Variants in CNTNAP2 observed in about 807,000 individuals in gnomAD.
The protein encoded by CNTNAP2 is contactin associated protein 2, also known as contactin-associated protein-like 2.
In CNTNAP2, 98 loss-of-function variants were observed where a neutral mutation model predicts 155.2. That is an observed-to-expected ratio of 0.63 (90% CI 0.54 to 0.75). The LOEUF (loss-of-function observed/expected upper bound fraction) is 0.75. Among genes scored for constraint, CNTNAP2 ranks in the 30% least tolerant of loss-of-function variants. The probability of loss-of-function intolerance (pLI) is 0.00; values close to 1 mark genes in which losing one functional copy is unlikely to be tolerated. For missense variants in CNTNAP2, 1,727 were observed against 1,688.1 expected, an observed-to-expected ratio of 1.02 and a Z score of -0.40; for synonymous variants, 651 against 631.2, an observed-to-expected ratio of 1.03 and a Z score of -0.47.
chr7:147,351,543 A>G (rs957918066), intron 9 of CNTNAP2, among the ~76,000 whole-genome samples: 93 of 151,964 alleles, frequency 6.1e-4, no homozygotes, highest in African/African-American at 2.2e-3. Flanking sequence ...AATATATATA[A>G]AACAGTAGTA....
At chr7:147,919,226 C>T (rs974799982) in intron 14 of CNTNAP2, among the ~76,000 whole-genome samples, 4 of 151,966 alleles carry the variant, frequency 2.6e-5, no homozygotes, top group South Asian at 2.1e-4. Context: ...GATCTTAATA[C>T]AGCCAGACCC....
chr7:146,925,993 C>T (rs1796600218), intron 3 of CNTNAP2, among the ~76,000 whole-genome samples: 1 of 152,096 alleles, frequency 6.6e-6, no homozygotes, highest in Non-Finnish European at 1.5e-5. Context: ...CTTGTCCAAA[C>T]TGGAAGACCA....
chr7:147,184,547 A>C (rs1802526684), intron 8 of CNTNAP2, among the ~76,000 whole-genome samples: 1 of 152,216 alleles, frequency 6.6e-6, no homozygotes, highest in Non-Finnish European at 1.5e-5. Flanking sequence ...AACCAGACTG[A>C]AAACACAGCC....
chr7:148,218,668 G>A (rs527596188), intron 19 of CNTNAP2, among the ~76,000 whole-genome samples: 4 of 152,102 alleles, frequency 2.6e-5, no homozygotes, highest in Non-Finnish European at 4.4e-5. Context: ...GGGATGACAG[G>A]CATGAGCCAC....
chr7:148,041,084 C>A (rs565379533), intron 15 of CNTNAP2, among the ~76,000 whole-genome samples: 14 of 152,312 alleles, frequency 9.2e-5, no homozygotes, highest in African/African-American at 3.4e-4. Context: ...ACTCTGCAGG[C>A]CTGCTGGCCT....
chr7:147,408,029 A>T (rs778351137), intron 10 of CNTNAP2, among the ~76,000 whole-genome samples: 16 of 152,238 alleles, frequency 1.1e-4, no homozygotes, highest in Non-Finnish European at 1.9e-4. Flanking sequence ...TTTTTCATTT[A>T]TTCATTTATC....
At chr7:147,013,809 C>T (rs1468077682) in intron 3 of CNTNAP2, among the ~76,000 whole-genome samples, 2 of 152,046 alleles carry the variant, frequency 1.3e-5, no homozygotes, top group African/African-American at 4.8e-5. Flanking sequence ...TGTCTTATTC[C>T]TCTTTGGGAT....
rs746349390 is a variant in CNTNAP2 at position 146,839,864 on chromosome 7, G to A, written c.362G>A (p.Gly121Glu). 4 of 1,614,096 alleles carry A rather than the reference G, an allele frequency of 2.5e-6. No homozygotes were observed. The South Asian group carries it at 3.3e-5, about 13-fold the overall frequency. The change falls in exon 3 of 24, where the codon GGG becomes GAG. Residue 121 changes from glycine to glutamate, a missense_variant. Physicochemically the swap from Gly to Glu is moderately conservative, Grantham distance 98. Coordinates refer to ENST00000361727, the MANE Select transcript of CNTNAP2 (RefSeq NM_014141.6). ...TQYRMLYSDT[G>E]RNWKPYHQDG... ...TACCGGATGCTCTACAGCGACACAG[G>A]GAGAAACTGGAAACCCTATCATCAA... is the stretch of plus-strand genomic sequence containing the variant.
chr7:147,857,873 T>G (rs951868562), intron 13 of CNTNAP2, among the ~76,000 whole-genome samples: 11 of 152,210 alleles, frequency 7.2e-5, no homozygotes, highest in African/African-American at 2.2e-4. Context: ...CAAGTAATTA[T>G]GTACCTATTG....
At chr7:146,395,847 GA>G (rs1795618740) in intron 1 of CNTNAP2, among the ~76,000 whole-genome samples, 1 of 150,962 alleles carries the variant, frequency 6.6e-6, no homozygotes, top group Non-Finnish European at 1.5e-5. Context: ...GAGAGAGAGA[GA>G]GAGAGAGATT....
intron 1 of CNTNAP2, among the ~76,000 whole-genome samples, chr7:146,665,800 A>AAAAAAAAAC (rs1563179456): frequency 6.9e-6 from 1 of 144,794 alleles, no homozygotes; most frequent in African/African-American, 2.7e-5. Context: ...AAAAAAAAAT[A>AAAAAAAAAC]CATTTTGTAA....
intron 1 of CNTNAP2, among the ~76,000 whole-genome samples, chr7:146,718,774 CAG>C (rs1292799378): frequency 1.3e-5 from 2 of 151,958 alleles, no homozygotes; most frequent in Non-Finnish European, 2.9e-5. Context: ...ATCATAAAAA[CAG>C]AAAAAGTAAC....
intron 1 of CNTNAP2, among the ~76,000 whole-genome samples, chr7:146,504,593 G>A (rs1279181267): frequency 6.6e-6 from 1 of 152,162 alleles, no homozygotes; most frequent in Non-Finnish European, 1.5e-5. Context: ...TGCTCTGGAA[G>A]GGCCATAACT....
At chr7:146,224,829 T>C (rs1799266829) in intron 1 of CNTNAP2, among the ~76,000 whole-genome samples, 1 of 152,174 alleles carries the variant, frequency 6.6e-6, no homozygotes, top group African/African-American at 2.4e-5. Flanking sequence ...ATGTGTCTTT[T>C]GTTTTGATCT....
chr7:147,976,018 C>T (rs907473855), intron 14 of CNTNAP2, among the ~76,000 whole-genome samples: 5 of 149,746 alleles, frequency 3.3e-5, no homozygotes, highest in South Asian at 2.1e-4. Context: ...CATACATAGA[C>T]AATACATTTT....
At chr7:146,927,306 G>C (rs972475201) in intron 3 of CNTNAP2, among the ~76,000 whole-genome samples, 1 of 152,078 alleles carries the variant, frequency 6.6e-6, no homozygotes, top group Non-Finnish European at 1.5e-5. Context: ...GTTGAAAACT[G>C]TATTTGCTGA....
At chr7:147,597,872 C>T (rs1466257666) in intron 12 of CNTNAP2, among the ~76,000 whole-genome samples, 16 of 152,188 alleles carry the variant, frequency 1.1e-4, no homozygotes, top group Non-Finnish European at 2.9e-5. Flanking sequence ...TTGCTAGCCA[C>T]CCATATCCTG....
chr7:147,302,580 A>T (rs1177977661), intron 9 of CNTNAP2, among the ~76,000 whole-genome samples: 1 of 152,260 alleles, frequency 6.6e-6, no homozygotes, highest in Non-Finnish European at 1.5e-5. Context: ...ACTCATTGCC[A>T]TTCTGGCTCT....
chr7:147,903,885 T>C (rs544693128), intron 14 of CNTNAP2, among the ~76,000 whole-genome samples, 164 bp downstream of exon 14: 9 of 152,194 alleles, frequency 5.9e-5, no homozygotes, highest in Non-Finnish European at 1.3e-4. Context: ...TACTGAAAAA[T>C]ATAAAAGCAG....
Sources: allele counts gnomAD v4.1 joint callset (sites outside exome capture counted in the v4.1 genomes callset), GRCh38; gene constraint gnomAD v4.1.1; transcripts MANE v1.5; gene names NCBI Gene and HGNC (gene_info 2026-07-23, HGNC 2026-07-21).